Variants in ZNF529 observed in about 807,000 individuals in gnomAD.
The protein encoded by ZNF529 is zinc finger protein 529.
ZNF529 carries 11 observed loss-of-function variants against 10.1 expected under a neutral mutation model. That is an observed-to-expected ratio of 1.09 (90% CI 0.69 to 1.81). The LOEUF (loss-of-function observed/expected upper bound fraction) is 1.81, where lower values mean the gene tolerates loss of function less well. Among genes scored for constraint, ZNF529 ranks in the 40% most tolerant of loss-of-function variants. The pLI, the probability that ZNF529 is intolerant of heterozygous loss-of-function variation, is 0.00. For synonymous variants in ZNF529, 204 were observed against 215.7 expected (o/e 0.95, Z 0.47); for missense variants, 624 against 666.8 (o/e 0.94, Z 0.71).
intron 2 of ZNF529, among the ~76,000 whole-genome samples, chr19:36,588,592 C>T (rs1458036136): frequency 1.3e-5 from 2 of 152,144 alleles, no homozygotes; most frequent in Non-Finnish European, 2.9e-5. Context: ...CAGGAACATA[C>T]TGATGACCCC....
chr19:36,564,279 G>A (rs374285577), intron 2 of ZNF529, among the ~76,000 whole-genome samples: 2 of 152,110 alleles, frequency 1.3e-5, no homozygotes, highest in South Asian at 2.1e-4. Context: ...AAGAGCTTCC[G>A]CTCAGCAAAA....
rs746182254 is a variant in ZNF529, at chr19:36,547,209, T to C, written c.1349A>G (p.Tyr450Cys). The C allele has an allele frequency of 1.2e-6, 2 of 1,613,816 alleles. No individual in the cohort carries two copies. The highest frequency in any genetic ancestry group is 2.2e-5 in the South Asian group (2 of 91,080). ...HERIHSGQKP[Y>C]ECKECGKFFR... The stretch of plus-strand genomic sequence containing the variant: ...GAACTTTCCACACTCCTTACATTCA[T>C]AAGGTTTTTGACCACTGTGAATTCT... Residue 450 changes from tyrosine to cysteine, a missense_variant, in exon 5 of 5, where the codon TAT becomes TGT. Transcript: ENST00000591340.
chr19:36,589,469 T>TA (rs2036657852), intron 2 of ZNF529: 1 of 152,208 alleles, frequency 6.6e-6, no homozygotes, highest in African/African-American at 2.4e-5. Flanking sequence ...TGTTGACTCT[T>TA]ACTGTGTTTG....
At chr19:36,573,780 G>A (rs555804413), upstream of ZNF529, among the ~76,000 whole-genome samples, 61 of 152,342 alleles carry the variant, frequency 4.0e-4, no homozygotes, top group Admixed American at 1.1e-3. Context: ...GGGCTGGGAA[G>A]GCCTGAAGCG....
chr19:36,588,998 A>G lies in ZNF529; in HGVS notation c.-41+617T>C, dbSNP rs1008416737. The stretch of plus-strand genomic sequence containing the variant: ...CGCTCTGTCACCCAGGCTGGAGTGC[A>G]ATGGCACAGATCACTGCTCACTGTA... On this transcript the variant is annotated intron_variant, in intron 2 of 4. Transcript: ENST00000585960. 1.3e-4 allele frequency among the ~76,000 whole-genome samples: 20 copies of G among 151,060 alleles called. 1 individual carries two copies. The highest frequency in any genetic ancestry group is 8.6e-4 in the Admixed American group (13 of 15,148).
At chr19:36,573,402 G>C, upstream of ZNF529, 1 of 466,134 alleles carries the variant, frequency 2.1e-6, no homozygotes, top group Non-Finnish European at 4.5e-6. Context: ...CCCGCTGGCC[G>C]CAGGGGCCGC....
intron 2 of ZNF529, among the ~76,000 whole-genome samples, chr19:36,578,448 G>A (rs1447985529): frequency 1.3e-5 from 2 of 148,982 alleles, no homozygotes; most frequent in African/African-American, 2.5e-5. Flanking sequence ...TGGGACTATA[G>A]GTGCCCGCCA....
At chr19:36,557,093 A>G (rs1029984139) in intron 2 of ZNF529, among the ~76,000 whole-genome samples, 51 of 152,142 alleles carry the variant, frequency 3.4e-4, no homozygotes, top group African/African-American at 1.2e-3. Flanking sequence ...CTGTGAAGCA[A>G]TGTATACTCC....
chr19:36,553,980 C>T (rs1381889990), intron 4 of ZNF529, among the ~76,000 whole-genome samples: 1 of 152,038 alleles, frequency 6.6e-6, no homozygotes, highest in African/African-American at 2.4e-5. Context: ...ATTTGGGTTC[C>T]ATCCCTAAGA....
intron 1 of ZNF529, among the ~76,000 whole-genome samples, chr19:36,593,071 C>T (rs942135018): frequency 5.3e-5 from 8 of 152,062 alleles, no homozygotes; most frequent in Non-Finnish European, 4.4e-5. Flanking sequence ...CAAGTCCTAG[C>T]GATTACAATA....
At chr19:36,571,253 T>C (rs931692247) in intron 2 of ZNF529, among the ~76,000 whole-genome samples, 2 of 152,258 alleles carry the variant, frequency 1.3e-5, no homozygotes, top group African/African-American at 4.8e-5. Context: ...GAAAACTTGG[T>C]ATAAAGATAT....
chr19:36,561,359 G>A (rs1021664037), intron 2 of ZNF529, among the ~76,000 whole-genome samples: 10 of 152,006 alleles, frequency 6.6e-5, no homozygotes, highest in Non-Finnish European at 1.3e-4. Flanking sequence ...AGATGTGGAA[G>A]CATGGCATCC....
At chr19:36,595,157 G>A (rs28743014) in intron 1 of ZNF529, among the ~76,000 whole-genome samples, 13 of 152,018 alleles carry the variant, frequency 8.6e-5, no homozygotes, top group Middle Eastern at 3.2e-3. Flanking sequence ...GATTACAGGC[G>A]TGAGCCACCA....
intron 1 of ZNF529, among the ~76,000 whole-genome samples, chr19:36,602,760 G>C (rs10405879): frequency 6.6e-6 from 1 of 152,072 alleles, no homozygotes; most frequent in Non-Finnish European, 1.5e-5. Flanking sequence ...GAGAAACCCC[G>C]TCTCTACTAA....
chr19:36,574,557 T>C (rs1358868388), upstream of ZNF529, among the ~76,000 whole-genome samples: 1 of 152,040 alleles, frequency 6.6e-6, no homozygotes, highest in Non-Finnish European at 1.5e-5. Flanking sequence ...GCTTAGGATT[T>C]TATTTTTGGT....
chr19:36,592,799 C>G (rs1436667047), intron 1 of ZNF529, among the ~76,000 whole-genome samples: 1 of 152,032 alleles, frequency 6.6e-6, no homozygotes, highest in Non-Finnish European at 1.5e-5. Flanking sequence ...GCATTGTTTT[C>G]TGCTTAACAG....
chr19:36,594,964 C>T (rs549824383), intron 1 of ZNF529, among the ~76,000 whole-genome samples: 1 of 152,064 alleles, frequency 6.6e-6, no homozygotes, highest in East Asian at 1.9e-4. Context: ...CTGCAACCTC[C>T]GCCTCCTGGG....
At chr19:36,567,300 AG>A (rs1271561516) in intron 2 of ZNF529, among the ~76,000 whole-genome samples, 3 of 152,220 alleles carry the variant, frequency 2.0e-5, no homozygotes, top group African/African-American at 7.2e-5. Flanking sequence ...CACATGCAAA[AG>A]AATGAAATTG....
Position 36,543,791 on chromosome 19 carries a change from G to T in ZNF529, c.*3075C>A, listed in dbSNP as rs1420565311. ...TCCTCTTCTCATAAGATCACCATTT[G>T]TATCAAATTAGAATCACATTCTTAT... is the stretch of plus-strand genomic sequence containing the variant. On this transcript the variant is annotated 3_prime_UTR_variant, in exon 5 of 5. Coordinates refer to ENST00000591340, the MANE Select transcript of ZNF529 (RefSeq NM_020951.5). 2 of 151,832 alleles carry T rather than the reference G, an allele frequency of 1.3e-5. No individual in the cohort carries two copies. Among genetic ancestry groups the T allele is most frequent in the African/African-American group, 4.8e-5 (2 of 41,334 alleles). The allele number at this position is 151,832 out of a possible 1,614,324, so 9.4% of individuals were successfully genotyped here. A position where few individuals can be genotyped will look rare whatever the true frequency, so the allele number is the denominator to read the frequency against.
Sources: allele counts gnomAD v4.1 joint callset (sites outside exome capture counted in the v4.1 genomes callset), GRCh38; gene constraint gnomAD v4.1.1; transcripts MANE v1.5; gene names NCBI Gene and HGNC (gene_info 2026-07-23, HGNC 2026-07-21).